EPRS1: variants seen among roughly 807,000 people sequenced by gnomAD.
The protein encoded by EPRS1 is bifunctional glutamate/proline--tRNA ligase.
A neutral mutation model predicts 188.3 loss-of-function variants in EPRS1; 107 were observed. That is an observed-to-expected ratio of 0.57 (90% confidence interval 0.49 to 0.67). The LOEUF (loss-of-function observed/expected upper bound fraction) is 0.67, where lower values mean the gene tolerates loss of function less well. Among genes scored for constraint, EPRS1 ranks in the 30% least tolerant of loss-of-function variants. EPRS1 has a pLI of 0.00. For missense variants in EPRS1, 1,577 were observed against 1,802.2 expected (o/e 0.88, Z 2.26); for synonymous variants, 596 against 593.1 (o/e 1.00, Z -0.07).
chr1:220,025,131 C>T lies in EPRS1; in HGVS notation c.750+1G>A, dbSNP rs867065160. Reference sequence around the variant, plus strand: ...AGGGTCATCACTACACTTTTAATTACCTTCTCAAAATCTTCCTTTTCTTTT... The same window carrying T: ...AGGGTCATCACTACACTTTTAATTATCTTCTCAAAATCTTCCTTTTCTTTT... On this transcript the variant is annotated splice_donor_variant, in intron 7 of 31. Coordinates refer to ENST00000366923, the MANE Select transcript of EPRS1 (RefSeq NM_004446.3). LOFTEE classifies it high-confidence loss of function. 6.2e-7 allele frequency: 1 copy of T among 1,612,596 alleles called. No individual in the cohort carries two copies. Among genetic ancestry groups the T allele is most frequent in the African/African-American group, 1.3e-5 (1 of 74,868 alleles).
intron 23 of EPRS1, chr1:219,982,566 A>G: frequency 2.6e-6 from 1 of 387,348 alleles, no homozygotes. Flanking sequence ...AAATCCTATA[A>G]TTTAATGATA....
At chr1:220,027,062 C>A (rs926732714) in intron 6 of EPRS1, among the ~76,000 whole-genome samples, 3 of 151,716 alleles carry the variant, frequency 2.0e-5, no homozygotes, top group Admixed American at 6.6e-5. Flanking sequence ...GAGGCGGAGG[C>A]GGGCAGATCA....
At chr1:219,969,847 G>C (rs562706201) in intron 30 of EPRS1, among the ~76,000 whole-genome samples, 108 of 152,100 alleles carry the variant, frequency 7.1e-4, no homozygotes, top group African/African-American at 2.4e-3. Context: ...TTGAGACACA[G>C]TCTTACTCTG....
rs35446521 is a variant in EPRS1 at position 220,038,082 on chromosome 1, C to CTT, written c.131+2101_131+2102dup. Reference sequence around the variant, plus strand: ...ACAGGGGAAAGTGTTTCAGCTTTATCTTTTTTTTTTTTTTTTTGAGATGGA... The same window carrying CTT: ...ACAGGGGAAAGTGTTTCAGCTTTATCTTTTTTTTTTTTTTTTTTTGAGATGGA... On this transcript the variant is annotated intron_variant, in intron 2 of 31. Coordinates refer to ENST00000366923, the MANE Select transcript of EPRS1 (RefSeq NM_004446.3). 1.3e-3 allele frequency among the ~76,000 whole-genome samples: 176 copies of CTT among 133,878 alleles called. 4 individuals are homozygous for CTT. Among genetic ancestry groups the CTT allele is most frequent in the East Asian group, 3.9e-3 (18 of 4,576 alleles). The allele number at this position is 133,878 out of a possible 152,430, so 87.8% of individuals were successfully genotyped here.
At chr1:220,008,107 C>CAAAAAA (rs55642831) in intron 13 of EPRS1, among the ~76,000 whole-genome samples, 3 of 133,372 alleles carry the variant, frequency 2.2e-5, no homozygotes, top group Non-Finnish European at 3.2e-5. Context: ...ACTCCGTCAC[C>CAAAAAA]AAAAAAAAAA....
At chr1:220,027,828 C>T (rs1240823166) in intron 6 of EPRS1, among the ~76,000 whole-genome samples, 1 of 150,566 alleles carries the variant, frequency 6.6e-6, no homozygotes, top group Non-Finnish European at 1.5e-5. Flanking sequence ...ACTAAAAATA[C>T]AAAAAATTAA....
At chr1:220,036,304 C>T (rs1265768771) in intron 2 of EPRS1, among the ~76,000 whole-genome samples, 3 of 152,106 alleles carry the variant, frequency 2.0e-5, no homozygotes, top group Non-Finnish European at 4.4e-5. Context: ...AACAGAACTA[C>T]GATTCAACCC....
intron 20 of EPRS1, among the ~76,000 whole-genome samples, chr1:219,985,703 C>A (rs1378357323): frequency 6.6e-6 from 1 of 152,138 alleles, no homozygotes; most frequent in Non-Finnish European, 1.5e-5. Flanking sequence ...CCACGCCTGG[C>A]CTCAAGTTTT....
chr1:219,972,083 G>T lies in EPRS1; in HGVS notation c.4309C>A (p.Leu1437Ile). The T allele has an allele frequency of 1.3e-6, 2 of 1,593,198 alleles. No homozygotes were observed. The highest frequency in any genetic ancestry group is 1.1e-5 in the South Asian group (1 of 87,662). ...AACTCTCTGACCTTTCCAGAATCTA[G>T]TATCTTCTGAAAGTCTTCCATTGTA... The part of the protein sequence containing the change: ...ANTMEDFQKI[L>I]DSGKIVQIPF... Residue 1437 changes from leucine (L) to isoleucine (I), a missense_variant, in exon 30 of 32, where the codon CTA becomes ATA. By Grantham distance (5) the Leu-to-Ile change is conservative. Coordinates refer to ENST00000366923, the MANE Select transcript of EPRS1 (RefSeq NM_004446.3).
intron 16 of EPRS1, among the ~76,000 whole-genome samples, chr1:220,002,791 G>C (rs1661384761): frequency 6.6e-6 from 1 of 152,058 alleles, no homozygotes; most frequent in Non-Finnish European, 1.5e-5. Flanking sequence ...GCCTGGGGAG[G>C]TCAAGCCGCT....
At position 220,010,922 on chromosome 1, in the gene EPRS1, C is replaced by T. The variant is rs774148779; in HGVS notation, c.1605+24G>A. ...CTCCTTCTTTTAACAGAGAGAAACACATTGGTGAAACTGTAAGAGTGACCT... is the reference window on the plus strand; with the variant it reads ...CTCCTTCTTTTAACAGAGAGAAACATATTGGTGAAACTGTAAGAGTGACCT... On this transcript the variant is annotated intron_variant, in intron 13 of 31. Coordinates refer to ENST00000366923, the MANE Select transcript of EPRS1 (RefSeq NM_004446.3). 3.0e-6 allele frequency: 4 copies of T among 1,342,632 alleles called. No homozygotes were observed. In the South Asian group the frequency reaches 4.8e-5, roughly 16 times the overall value. 83.2% of individuals were successfully genotyped at this position (1,342,632 alleles called of 1,614,324 possible).
Position 220,022,479 on chromosome 1 carries a change from T to G in EPRS1, c.983A>C (p.Lys328Thr). Residue 328 changes from lysine (K) to threonine (T), a missense_variant, in exon 9 of 32, where the codon AAA (lysine) becomes ACA (threonine). Lys to Thr is a moderately conservative substitution (Grantham distance 78). This residue lies in a region of EPRS1 where 1,278 missense variants were observed against 1,457.4 expected (regional missense o/e 0.88). Transcript: ENST00000366923. ...ACAGGACTGACCAAACTGGCTCCCTTTTTTCATTTCTTCCCACATTTGTAG... is the reference window on the plus strand; with the variant it reads ...ACAGGACTGACCAAACTGGCTCCCTGTTTTCATTTCTTCCCACATTTGTAG... The part of the protein sequence containing the change: ...KNLQMWEEMK[K>T]GSQFGQSCCL... 1.9e-6 allele frequency: 3 copies of G among 1,613,868 alleles called. No homozygotes were observed. Among genetic ancestry groups the G allele is most frequent in the Non-Finnish European group, 2.5e-6 (3 of 1,179,912 alleles).
At position 219,988,750 on chromosome 1, in the gene EPRS1, T is replaced by C. The variant is rs745708042; in HGVS notation, c.2615A>G (p.Tyr872Cys). Reference sequence around the variant, plus strand: ...AGATAATGGGGGCTGACCAGGTATGTACTCCTTCCCAGTTTTTTCTTTATA... The same window carrying C: ...AGATAATGGGGGCTGACCAGGTATGCACTCCTTCCCAGTTTTTTCTTTATA... ...AQYKEKTGKE[Y>C]IPGQPPLSQS... The change falls in exon 19 of 32, where the codon TAC (tyrosine) becomes TGC (cysteine). Residue 872 changes from tyrosine (Y) to cysteine (C), a missense_variant. Physicochemically the swap from Tyr to Cys is radical, Grantham distance 194. Around this residue, in one of 3 missense-constraint regions of EPRS1, gnomAD observed 1,278 missense variants for 1,457.4 expected, o/e 0.88. Transcript: ENST00000366923. 2 of 1,613,904 alleles carry C rather than the reference T, an allele frequency of 1.2e-6. No individual in the cohort carries two copies. Among genetic ancestry groups the C allele is most frequent in the Non-Finnish European group, 1.7e-6 (2 of 1,179,798 alleles).
intron 12 of EPRS1, among the ~76,000 whole-genome samples, chr1:220,015,162 G>A (rs568534910): frequency 2.0e-5 from 3 of 152,186 alleles, no homozygotes; most frequent in African/African-American, 4.8e-5. Context: ...ACACAATAGA[G>A]AAGAAAGAAA....
intron 17 of EPRS1, among the ~76,000 whole-genome samples, chr1:219,999,301 C>A (rs769820083): frequency 6.6e-6 from 1 of 152,034 alleles, no homozygotes; most frequent in Admixed American, 6.6e-5. Flanking sequence ...GTCAACTGTA[C>A]CTGAATATTG....
chr1:220,009,923 C>T (rs923203223), intron 13 of EPRS1, among the ~76,000 whole-genome samples: 3 of 151,554 alleles, frequency 2.0e-5, no homozygotes, highest in African/African-American at 7.3e-5. Context: ...ATGGCAAAAC[C>T]CCATCTCTAC....
chr1:220,020,694 G>A (rs1433769865), intron 9 of EPRS1, among the ~76,000 whole-genome samples: 1 of 46,590 alleles, frequency 2.1e-5, no homozygotes, highest in Admixed American at 2.8e-4. Flanking sequence ...TCCATTCACT[G>A]TGTAAAAAAA....
At chr1:219,969,331 C>T (rs185325181) in intron 30 of EPRS1, 254 of 539,934 alleles carry the variant, frequency 4.7e-4, no homozygotes, top group African/African-American at 3.7e-3. Context: ...CCAAAACCTA[C>T]GCTCACAGCA....
intron 18 of EPRS1, among the ~76,000 whole-genome samples, chr1:219,990,955 A>T (rs1661109438): frequency 6.6e-6 from 1 of 152,178 alleles, no homozygotes; most frequent in Non-Finnish European, 1.5e-5. Context: ...CAATACAAAC[A>T]GAAAAGGTTT....
Sources: allele counts gnomAD v4.1 joint callset (sites outside exome capture counted in the v4.1 genomes callset), GRCh38; gene constraint gnomAD v4.1.1; regional missense constraint gnomAD v4.1.1; transcripts MANE v1.5; gene names NCBI Gene and HGNC (gene_info 2026-07-23, HGNC 2026-07-21).